The following PAM variants were observed in gnomAD, a reference collection of about 807,000 sequenced individuals.
The protein encoded by PAM is peptidyl-glycine alpha-amidating monooxygenase.
Under a neutral mutation model 122.1 loss-of-function variants are expected in PAM, and 72 were observed. The ratio of observed to expected loss-of-function variants is 0.59; its 90% CI spans 0.49 to 0.72. The LOEUF is 0.72. Ranked by LOEUF, PAM falls within the 30% of genes least tolerant of loss-of-function variation. PAM has a pLI of 0.00. For missense variants in PAM, 1,106 were observed against 1,183.7 expected (o/e 0.93, Z 0.96); for synonymous variants, 389 against 404.4 (o/e 0.96, Z 0.46).
rs746975220 is a variant in PAM, at chr5:103,007,509, G to A, written c.2067G>A (p.Leu689=). 3.1e-6 allele frequency: 5 copies of A among 1,614,014 alleles called. No homozygotes were observed. The Admixed American group carries it at 8.3e-5, about 27-fold the overall frequency. ...LPGQFTVPHS[L]ALVPLLGQLC... ...GCCAGTTCACTGTTCCTCACAGCTT[G>A]GCTCTTGTGCCTCTTTTGGGCCAAT... Residue 689 remains leucine (L), a synonymous_variant, in exon 20 of 26, where the codon TTG becomes TTA. Coordinates refer to ENST00000438793, the MANE Select transcript of PAM (RefSeq NM_001177306.2).
intron 16 of PAM, among the ~76,000 whole-genome samples, chr5:102,997,438 G>A (rs1018841283): frequency 1.3e-5 from 2 of 152,032 alleles, no homozygotes; most frequent in Non-Finnish European, 2.9e-5. Flanking sequence ...AGGATCACAT[G>A]AGTCTGGTAG....
In PAM at chr5:102,865,930, C is replaced by T; in HGVS notation, c.-266C>T. 2.6e-6 allele frequency: 1 copy of T among 380,536 alleles called. No individual in the cohort carries two copies. 23.6% of individuals were successfully genotyped at this position (380,536 alleles called of 1,614,324 possible). A position where few individuals can be genotyped will look rare whatever the true frequency, so the allele number is the denominator to read the frequency against. On this transcript the variant is annotated 5_prime_UTR_variant, in exon 2 of 26. Coordinates refer to ENST00000438793, the MANE Select transcript of PAM (RefSeq NM_001177306.2). ...TAGCCCCAGCGCCAGGGCACGCGAG[C>T]GGCGCTGGAGGGAGGAAAGCTTCCG... is the stretch of plus-strand genomic sequence containing the variant.
intron 15 of PAM, among the ~76,000 whole-genome samples, chr5:102,976,972 T>G (rs995258649): frequency 6.6e-6 from 1 of 152,176 alleles, no homozygotes; most frequent in Non-Finnish European, 1.5e-5. Context: ...GATGGAGATT[T>G]CTATTCAGAA....
chr5:102,845,321 G>A (rs1385172734), intron 1 of PAM, among the ~76,000 whole-genome samples: 1 of 152,174 alleles, frequency 6.6e-6, no homozygotes, highest in Admixed American at 6.5e-5. Context: ...GGGAAAACAG[G>A]ATATGCTTTA....
In PAM at chr5:103,024,693, GAAGT is replaced by G. The variant is rs1040466460; in HGVS notation, c.2486-437_2486-434del. 8.7e-4 allele frequency among the ~76,000 whole-genome samples: 132 copies of G among 152,266 alleles called. 1 individual carries two copies. Among genetic ancestry groups the G allele is most frequent in the African/African-American group, 3.0e-3 (123 of 41,564 alleles). ...GTCCTATTATTACAGTTTTATAGAT[GAAGT>G]TACTGTGGCCCAGATAATTTAAGTA... On this transcript the variant is annotated intron_variant, in intron 23 of 25. Coordinates refer to ENST00000438793, the MANE Select transcript of PAM (RefSeq NM_001177306.2).
intron 1 of PAM, among the ~76,000 whole-genome samples, chr5:102,824,121 C>A (rs1772872499): frequency 6.6e-6 from 1 of 152,072 alleles, no homozygotes; most frequent in Admixed American, 6.6e-5. Flanking sequence ...TGCTATTGAT[C>A]CTTAATTCAA....
intron 1 of PAM, among the ~76,000 whole-genome samples, chr5:102,766,926 A>ATTTTTGTTTTTTTTTTTTTTT (rs1754146328): frequency 3.9e-5 from 1 of 25,830 alleles, no homozygotes; most frequent in African/African-American, 1.4e-4. Context: ...TCAGTTGTGG[A>ATTTTTGTTTTTTTTTTTTTTT]TTTTTTTTTT....
Position 102,941,833 on chromosome 5 carries a change from CAAAAAAAAA to C in PAM, c.527-4986_527-4978del, listed in dbSNP as rs70990420. On this transcript the variant is annotated intron_variant, in intron 7 of 25. Coordinates refer to ENST00000438793, the MANE Select transcript of PAM (RefSeq NM_001177306.2). ...ACCTGCATTTCTAATCCAGATGGTA[CAAAAAAAAA>C]AAAAAAAAAAAAAAAAAGAGCTGTG... 2.9e-3 allele frequency among the ~76,000 whole-genome samples: 172 copies of C among 58,378 alleles called. 1 individual carries two copies. The highest frequency in any genetic ancestry group is 0.02 in the South Asian group (25 of 1,220). The allele number at this position is 58,378 out of a possible 152,430, so 38.3% of individuals were successfully genotyped here. A position where few individuals can be genotyped will look rare whatever the true frequency, so the allele number is the denominator to read the frequency against.
intron 1 of PAM, among the ~76,000 whole-genome samples, chr5:102,766,377 A>T (rs976592303): frequency 8.5e-5 from 13 of 152,196 alleles, no homozygotes; most frequent in African/African-American, 3.1e-4. Flanking sequence ...CAGGCATTAG[A>T]TTCTCATAAG....
chr5:102,784,251 C>T (rs1291604608), intron 1 of PAM, among the ~76,000 whole-genome samples: 2 of 152,142 alleles, frequency 1.3e-5, no homozygotes, highest in Non-Finnish European at 2.9e-5. Flanking sequence ...CCTGTGTAAC[C>T]TCTAAGCTCC....
At chr5:102,940,333 T>C (rs759972353) in intron 7 of PAM, among the ~76,000 whole-genome samples, 17 of 151,646 alleles carry the variant, frequency 1.1e-4, no homozygotes, top group Non-Finnish European at 1.9e-4. Context: ...ACTTTCTTTA[T>C]GGTTTCTAGA....
At chr5:102,934,195 A>T (rs938967459) in intron 7 of PAM, among the ~76,000 whole-genome samples, 5 of 152,188 alleles carry the variant, frequency 3.3e-5, no homozygotes, top group Admixed American at 6.5e-5. Flanking sequence ...CTCAGCTGAC[A>T]TAGACGTCCA....
intron 21 of PAM, among the ~76,000 whole-genome samples, chr5:103,016,323 C>CT (rs1321044853): frequency 6.6e-6 from 1 of 152,194 alleles, no homozygotes; most frequent in Non-Finnish European, 1.5e-5. Context: ...CATTAGTACC[C>CT]TTTGAAATCA....
chr5:102,771,365 C>A (rs973967536), intron 1 of PAM, among the ~76,000 whole-genome samples: 8 of 152,044 alleles, frequency 5.3e-5, no homozygotes, highest in Admixed American at 3.3e-4. Context: ...AAAACAAACC[C>A]ATTTGCCAAG....
rs115339607 is a variant in PAM, at chr5:102,781,043, G to T, written c.-374+25695G>T. ...CAAATGTCTCCTGGAGGGTAAAGTT[G>T]CCCCAGGTTTAAAAGCACTACTCTG... On this transcript the variant is annotated intron_variant, in intron 1 of 25. Transcript: ENST00000438793. Among the ~76,000 whole-genome samples, 656 of 151,952 alleles carry T rather than the reference G, an allele frequency of 4.3e-3. 2 individuals are homozygous for T. The highest frequency in any genetic ancestry group is 7.1e-3 in the Non-Finnish European group (485 of 67,980).
chr5:102,896,702 G>T (rs922222832), intron 3 of PAM, among the ~76,000 whole-genome samples: 1 of 151,688 alleles, frequency 6.6e-6, no homozygotes, highest in Admixed American at 6.6e-5. Context: ...AAGAAATATG[G>T]TAACATCTTT....
In PAM at chr5:102,866,077, C is replaced by T. The variant is rs796173653; in HGVS notation, c.-119C>T. 12 of 565,982 alleles carry T rather than the reference C, an allele frequency of 2.1e-5. No individual in the cohort carries two copies. The highest frequency in any genetic ancestry group is 3.3e-5 in the Non-Finnish European group (11 of 334,444). The allele number at this position is 565,982 out of a possible 1,614,324, so 35.1% of individuals were successfully genotyped here. A position where few individuals can be genotyped will look rare whatever the true frequency, so the allele number is the denominator to read the frequency against. The stretch of plus-strand genomic sequence containing the variant: ...CGGATGGTGTGTGGCCGCCGCAGGA[C>T]GCCCGCCGTGCCCGGGCCATGAAGT... On this transcript the variant is annotated 5_prime_UTR_variant, in exon 2 of 26. It adds an upstream start codon to the 5' untranslated region. Coordinates refer to ENST00000438793, the MANE Select transcript of PAM (RefSeq NM_001177306.2).
At chr5:102,793,716 A>AT (rs1235940578) in intron 1 of PAM, among the ~76,000 whole-genome samples, 2 of 152,224 alleles carry the variant, frequency 1.3e-5, no homozygotes, top group African/African-American at 2.4e-5. Flanking sequence ...CCAGGAACAG[A>AT]TTTTAAAACA....
intron 15 of PAM, among the ~76,000 whole-genome samples, chr5:102,988,967 A>C (rs1259287652): frequency 6.6e-6 from 1 of 152,116 alleles, no homozygotes; most frequent in African/African-American, 2.4e-5. Context: ...TTCTCCCCCC[A>C]GTCTTTAATG....
Sources: allele counts gnomAD v4.1 joint callset (sites outside exome capture counted in the v4.1 genomes callset), GRCh38; gene constraint gnomAD v4.1.1; transcripts MANE v1.5; gene names NCBI Gene and HGNC (gene_info 2026-07-23, HGNC 2026-07-21).